The following MEGF6 variants were observed in gnomAD, a reference collection of about 807,000 sequenced individuals.
The protein encoded by MEGF6 is multiple EGF like domains 6, also known as multiple epidermal growth factor-like domains protein 6.
MEGF6 carries 184 observed loss-of-function variants against 207.1 expected under a neutral mutation model. The observed-to-expected ratio is 0.89, with a 90% CI of 0.79 to 1.00. The LOEUF is 1.00. MEGF6 is among the 50% of genes least tolerant of loss of function. The pLI is 0.00. For synonymous variants in MEGF6, 1,038 were observed against 910.0 expected (o/e 1.14, Z -2.53); for missense variants, 2,282 against 2,202.9 (o/e 1.04, Z -0.72).
At chr1:3,519,196 C>T (rs968496833) in intron 5 of MEGF6, among the ~76,000 whole-genome samples, 1 of 152,236 alleles carries the variant, frequency 6.6e-6, no homozygotes, top group Non-Finnish European at 1.5e-5. Flanking sequence ...TCCTGCCCAG[C>T]GCCCGCCTTT....
At chr1:3,575,764 A>G (rs1006318551) in intron 4 of MEGF6, among the ~76,000 whole-genome samples, 1 of 152,184 alleles carries the variant, frequency 6.6e-6, no homozygotes, top group Non-Finnish European at 1.5e-5. Flanking sequence ...CCATGACTCA[A>G]CCACCTTCCA....
In MEGF6 at chr1:3,494,391, T is replaced by C; in HGVS notation, c.4109A>G (p.Tyr1370Cys). 3.9e-6 allele frequency: 6 copies of C among 1,548,650 alleles called. No homozygotes were observed. Among genetic ancestry groups the C allele is most frequent in the Non-Finnish European group, 5.2e-6 (6 of 1,151,076 alleles). ...CTCACGGTGCTCGCAGGCCTGGCCA[T>C]AGAAGCCGGGGCCGCAGCGGCAGGT... is the stretch of plus-strand genomic sequence containing the variant. The part of the protein sequence containing the change: ...TGTCRCGPGF[Y>C]GQACEHPCPP... Residue 1370 changes from tyrosine to cysteine, a missense_variant, in exon 32 of 37, where the codon TAT (tyrosine) becomes TGT (cysteine). Physicochemically the swap from Tyr to Cys is radical, Grantham distance 194 (BLOSUM62 -2). Transcript: ENST00000356575.
intron 4 of MEGF6, among the ~76,000 whole-genome samples, chr1:3,571,160 G>A (rs1570160571): frequency 1.3e-5 from 2 of 152,132 alleles, no homozygotes; most frequent in Admixed American, 1.3e-4. Context: ...GGAGGGGACA[G>A]CCATGGCCAG....
chr1:3,523,022 T>C (rs1420028104), intron 5 of MEGF6, among the ~76,000 whole-genome samples: 1 of 151,980 alleles, frequency 6.6e-6, no homozygotes, highest in Non-Finnish European at 1.5e-5. Context: ...AGGGAAACTT[T>C]ACAGAGCGGC....
chr1:3,600,815 T>TC (rs1644144526), intron 2 of MEGF6, among the ~76,000 whole-genome samples: 1 of 151,872 alleles, frequency 6.6e-6, no homozygotes, highest in South Asian at 2.1e-4. Context: ...AGGACGCCCA[T>TC]CCCCCCGGCA....
chr1:3,494,235 G>T, intron 32 of MEGF6, 111 bp from the exon 33 acceptor site: 1 of 1,467,552 alleles, frequency 6.8e-7, no homozygotes, highest in South Asian at 1.4e-5. Context: ...GCCCCCTCCT[G>T]CCCGTCCTCG....
chr1:3,608,921 C>T (rs898799465), intron 1 of MEGF6, among the ~76,000 whole-genome samples: 5 of 152,208 alleles, frequency 3.3e-5, no homozygotes, highest in Non-Finnish European at 7.3e-5. Context: ...GGGCAAAGCA[C>T]CTGGATCTGC....
rs1269529929 is a variant in MEGF6, at chr1:3,573,362, G to A, written c.481+6463C>T. On this transcript the variant is annotated intron_variant, in intron 4 of 36. Coordinates refer to ENST00000356575, the MANE Select transcript of MEGF6 (RefSeq NM_001409.4). This position sits in a 1 kb window ranked among gnomAD's most constrained non-coding sequence, Gnocchi z 5.1. ...CCTCCCCCAGGGTGGCCTCCTGGCT[G>A]AGCCAGCTCCAGGCCCAGATGGAAA... Among the ~76,000 whole-genome samples the A allele has an allele frequency of 3.9e-5, 6 of 152,220 alleles. No homozygotes were observed. Among genetic ancestry groups the A allele is most frequent in the South Asian group, 4.1e-4 (2 of 4,836 alleles).
intron 3 of MEGF6, among the ~76,000 whole-genome samples, chr1:3,585,078 G>A (rs1352756293): frequency 6.8e-6 from 1 of 147,556 alleles, no homozygotes; most frequent in Non-Finnish European, 1.5e-5. Flanking sequence ...CTATGTGTGA[G>A]TGTGAGTGAG....
rs927651235 is a variant in MEGF6, at chr1:3,602,594, G to C, written c.138C>G (p.His46Gln). The change falls in exon 2 of 37, where the codon CAC (histidine) becomes CAG (glutamine). Residue 46 changes from histidine to glutamine, a missense_variant. Coordinates refer to ENST00000356575, the MANE Select transcript of MEGF6 (RefSeq NM_001409.4). Reference sequence around the variant, plus strand: ...GGGTCAGCTCCTGCTCAGCACACACGTGGGGCCTGGAACAGAGACACGGAG... The same window carrying C: ...GGGTCAGCTCCTGCTCAGCACACACCTGGGGCCTGGAACAGAGACACGGAG... ...PLLPLQPGMP[H>Q]VCAEQELTLV... is the part of the protein sequence containing the mutation. 6.2e-7 allele frequency: 1 copy of C among 1,608,646 alleles called. No individual in the cohort carries two copies. The highest frequency in any genetic ancestry group is 8.5e-7 in the Non-Finnish European group (1 of 1,177,186).
At chr1:3,604,096 GC>G (rs1315995180) in intron 1 of MEGF6, among the ~76,000 whole-genome samples, 1 of 152,212 alleles carries the variant, frequency 6.6e-6, no homozygotes, top group Non-Finnish European at 1.5e-5. Context: ...GCCTCCAGCT[GC>G]CCACCCACGA....
chr1:3,574,331 CTT>C (rs1206932667), intron 4 of MEGF6, among the ~76,000 whole-genome samples: 1 of 152,060 alleles, frequency 6.6e-6, no homozygotes, highest in Admixed American at 6.6e-5. Context: ...GCCAAAATGA[CTT>C]TCTCCTCTGC....
chr1:3,505,682 CT>C (rs1641088599), intron 15 of MEGF6, 126 bp from the exon 16 acceptor site: 1 of 1,277,552 alleles, frequency 7.8e-7, no homozygotes, highest in African/African-American at 1.5e-5. Context: ...TCCTCCACCT[CT>C]CCCCCTGCAG....
chr1:3,612,650 C>G (rs1644343213), upstream of MEGF6, among the ~76,000 whole-genome samples: 1 of 152,202 alleles, frequency 6.6e-6, no homozygotes, highest in Admixed American at 6.5e-5. Flanking sequence ...TGAAGCCTGG[C>G]CAGGCCCTGT....
chr1:3,499,281 G>T lies in MEGF6; in HGVS notation c.2966-15C>A. 6.3e-7 allele frequency: 1 copy of T among 1,596,588 alleles called. No individual in the cohort carries two copies. The highest frequency in any genetic ancestry group is 2.3e-5 in the East Asian group (1 of 44,130). On this transcript the variant is annotated splice_polypyrimidine_tract_variant and intron_variant, in intron 23 of 36. Coordinates refer to ENST00000356575, the MANE Select transcript of MEGF6 (RefSeq NM_001409.4). ...GGCTGGGCAGGCTGCAGGTGGAGAG[G>T]GCTGGTCAGAGCCAGGGGTGGGCAG...
At chr1:3,623,050 T>C in the MEGF6 span, 14 of 152,460 alleles carry the variant, frequency 9.2e-5, no homozygotes, top group African/African-American at 3.4e-4. Flanking sequence ...CAGTGTCACT[T>C]CATCCCATTC....
At chr1:3,502,414 T>C (rs1183172655) in intron 17 of MEGF6, among the ~76,000 whole-genome samples, 1 of 144,138 alleles carries the variant, frequency 6.9e-6, no homozygotes, top group Non-Finnish European at 1.5e-5. Context: ...GCTGATCCAG[T>C]CTCTCCCACT....
intron 21 of MEGF6, among the ~76,000 whole-genome samples, 182 bp downstream of exon 21, chr1:3,500,451 G>A (rs573200235): frequency 6.6e-6 from 1 of 152,392 alleles, no homozygotes; most frequent in South Asian, 2.1e-4. Flanking sequence ...GCCGCAGTGC[G>A]CATGTGCGTG....
intron 14 of MEGF6, among the ~76,000 whole-genome samples, chr1:3,506,500 G>C (rs565703162): frequency 6.6e-6 from 1 of 152,138 alleles, no homozygotes; most frequent in African/African-American, 2.4e-5. Context: ...CAAAGCTCAC[G>C]CCCCACTCTC....
Sources: gnomAD v4.1 joint callset for allele counts (sites outside exome capture counted in the v4.1 genomes callset) on GRCh38, gnomAD v4.1.1 for gene constraint, Gnocchi (gnomAD v3.1) non-coding constraint, MANE v1.5 for transcripts, NCBI Gene and HGNC (gene_info 2026-07-23, HGNC 2026-07-21) for gene names.